The following RGS7 variants were observed in gnomAD, a reference collection of about 807,000 sequenced individuals.
RGS7 encodes the protein regulator of G protein signaling 7, also known as regulator of G-protein signaling 7.
RGS7 carries 27 observed loss-of-function variants against 81.1 expected under a neutral mutation model. The observed-to-expected ratio is 0.33, with a 90% CI of 0.25 to 0.46. The LOEUF (loss-of-function observed/expected upper bound fraction) is 0.46. Ranked by LOEUF, RGS7 falls within the 20% of genes least tolerant of loss-of-function variation. The pLI, the probability that RGS7 is intolerant of heterozygous loss-of-function variation, is 1.00. For synonymous variants in RGS7, 208 were observed against 207.7 expected (o/e 1.00, Z -0.01); for missense variants, 396 against 607.4 (o/e 0.65, Z 3.66).
At chr1:241,283,227 A>T (rs897047024) in intron 2 of RGS7, among the ~76,000 whole-genome samples, 1 of 152,212 alleles carries the variant, frequency 6.6e-6, no homozygotes, top group Non-Finnish European at 1.5e-5. Context: ...CAATACTTTC[A>T]CTTACTATAG....
chr1:241,198,131 C>T (rs539309036), intron 2 of RGS7, among the ~76,000 whole-genome samples: 2 of 151,740 alleles, frequency 1.3e-5, no homozygotes, highest in African/African-American at 4.8e-5. Context: ...GAAGAAATTA[C>T]AAGAGAAATT....
intron 6 of RGS7, among the ~76,000 whole-genome samples, chr1:240,910,637 T>G (rs2148246998): frequency 6.6e-6 from 1 of 152,304 alleles, no homozygotes; most frequent in South Asian, 2.1e-4. Flanking sequence ...ATGAATATGC[T>G]AATTACCCTG....
chr1:241,330,302 T>C (rs1454988395), intron 2 of RGS7, among the ~76,000 whole-genome samples: 2 of 152,194 alleles, frequency 1.3e-5, no homozygotes, highest in East Asian at 1.9e-4. Context: ...GACCTGCTAT[T>C]AGTGGTAGAT....
chr1:240,774,999 T>C (rs1682766274), downstream of RGS7, among the ~76,000 whole-genome samples: 1 of 152,214 alleles, frequency 6.6e-6, no homozygotes, highest in Admixed American at 6.5e-5. Flanking sequence ...TTTATATTAG[T>C]GACTTGAGCA....
At chr1:241,048,036 G>C (rs2061035624) in intron 3 of RGS7, among the ~76,000 whole-genome samples, 1 of 151,928 alleles carries the variant, frequency 6.6e-6, no homozygotes, top group Admixed American at 6.6e-5. Context: ...CACTGCACCT[G>C]GCCTGTTTAC....
intron 9 of RGS7, among the ~76,000 whole-genome samples, chr1:240,842,089 T>C (rs1658120606): frequency 6.6e-6 from 1 of 152,026 alleles, no homozygotes; most frequent in Non-Finnish European, 1.5e-5. Context: ...AAGCACATAT[T>C]AGTTTCCCTT....
rs549734361 is a variant in RGS7 at position 240,842,667 on chromosome 1, A to C, written c.610-15495T>G. 3.9e-5 allele frequency among the ~76,000 whole-genome samples: 6 copies of C among 152,256 alleles called. No homozygotes were observed. In the East Asian group the frequency reaches 1.2e-3, roughly 29 times the overall value. Reference sequence around the variant, plus strand: ...AATATAGGGTAAGTGTGGAGGCAAGAGTGTAAAACTCAGTTCACTTCAAAG... The same window carrying C: ...AATATAGGGTAAGTGTGGAGGCAAGCGTGTAAAACTCAGTTCACTTCAAAG... On this transcript the variant is annotated intron_variant, in intron 9 of 18. Coordinates refer to ENST00000440928, the MANE Select transcript of RGS7 (RefSeq NM_001364886.1).
intron 2 of RGS7, among the ~76,000 whole-genome samples, chr1:241,174,488 A>G (rs779030637): frequency 7.2e-5 from 11 of 152,246 alleles, no homozygotes; most frequent in Non-Finnish European, 1.0e-4. Flanking sequence ...AACTCAGTGC[A>G]TTGCATGTCA....
chr1:241,024,512 A>T (rs138338027), intron 3 of RGS7, among the ~76,000 whole-genome samples: 373 of 152,336 alleles, frequency 2.4e-3, no homozygotes, highest in African/African-American at 8.8e-3. Flanking sequence ...GAGCTAGTAT[A>T]CCAGTGACAT....
chr1:240,887,171 T>C (rs936115249), intron 6 of RGS7, among the ~76,000 whole-genome samples: 4 of 152,186 alleles, frequency 2.6e-5, no homozygotes, highest in Admixed American at 6.5e-5. Flanking sequence ...AAGAAAATTA[T>C]AGCAAGTTCT....
chr1:240,861,586 C>T (rs1558370430), intron 9 of RGS7, among the ~76,000 whole-genome samples: 1 of 152,022 alleles, frequency 6.6e-6, no homozygotes, highest in African/African-American at 2.4e-5. Flanking sequence ...TTTTATTTTC[C>T]AGTCATTTTC....
intron 12 of RGS7, among the ~76,000 whole-genome samples, chr1:240,814,254 C>T (rs909407491): frequency 2.0e-5 from 3 of 152,114 alleles, no homozygotes; most frequent in Non-Finnish European, 4.4e-5. Context: ...ATATGAATGG[C>T]ATTAAGAACA....
At position 241,137,820 on chromosome 1, in the gene RGS7, C is replaced by G. The variant is rs187057710; in HGVS notation, c.79-39058G>C. ...ACAAAGGTGTGTGCTTACATGCTAC[C>G]CAAAAGGAACTTGAAGGCCTTCATG... On this transcript the variant is annotated intron_variant, in intron 2 of 18. Coordinates refer to ENST00000440928, the MANE Select transcript of RGS7 (RefSeq NM_001364886.1). Among the ~76,000 whole-genome samples the G allele has an allele frequency of 1.9e-4, 29 of 152,160 alleles. No individual in the cohort carries two copies. The East Asian group carries it at 4.6e-3, about 24-fold the overall frequency.
At chr1:241,327,022 GGAAGGAAGGA>G (rs2081547489) in intron 2 of RGS7, among the ~76,000 whole-genome samples, 1 of 21,662 alleles carries the variant, frequency 4.6e-5, no homozygotes, top group Non-Finnish European at 1.4e-4. Flanking sequence ...AAGGAAGGAA[GGAAGGAAGGA>G]AGGAAGGGAG....
chr1:241,355,820 G>C lies in RGS7; in HGVS notation c.-44C>G. On this transcript the variant is annotated 5_prime_UTR_variant, in exon 2 of 19. Transcript: ENST00000440928. ...CACTCTCAAGATACAAGAATTATCA[G>C]TGTGCCCTGCAAAGGGTCAGAGAGA... 1 of 1,537,668 alleles carries C rather than the reference G, an allele frequency of 6.5e-7. No individual in the cohort carries two copies. The highest frequency in any genetic ancestry group is 1.1e-5 in the South Asian group (1 of 89,626).
chr1:241,190,729 A>G (rs1172371599), intron 2 of RGS7, among the ~76,000 whole-genome samples: 2 of 151,682 alleles, frequency 1.3e-5, no homozygotes, highest in African/African-American at 4.8e-5. Flanking sequence ...GATTTTTTTC[A>G]TTTTCTATAT....
chr1:241,199,580 A>G (rs1278358498), intron 2 of RGS7, among the ~76,000 whole-genome samples: 1 of 151,996 alleles, frequency 6.6e-6, no homozygotes. Flanking sequence ...AAGAGGTCCT[A>G]GTCAATGCAA....
intron 2 of RGS7, among the ~76,000 whole-genome samples, chr1:241,134,886 CAG>C: frequency 6.6e-6 from 1 of 152,202 alleles, no homozygotes; most frequent in South Asian, 2.1e-4. Context: ...CAGCGTGGGT[CAG>C]CAAGACAGCG....
intron 3 of RGS7, among the ~76,000 whole-genome samples, chr1:241,001,775 G>T (rs1461662310): frequency 2.0e-5 from 3 of 152,178 alleles, no homozygotes. Flanking sequence ...GTTGTCAGGG[G>T]TGGAAGAGAT....
Sources: gnomAD v4.1 joint callset for allele counts (sites outside exome capture counted in the v4.1 genomes callset) on GRCh38, gnomAD v4.1.1 for gene constraint, MANE v1.5 for transcripts, NCBI Gene and HGNC (gene_info 2026-07-23, HGNC 2026-07-21) for gene names.